The following ARHGEF28 variants were observed in gnomAD, a reference collection of about 807,000 sequenced individuals.
ARHGEF28 encodes the protein Rho guanine nucleotide exchange factor 28.
Under a neutral mutation model 206.6 loss-of-function variants are expected in ARHGEF28, and 152 were observed. That is an observed-to-expected ratio of 0.74 (90% CI 0.64 to 0.84). ARHGEF28 has a LOEUF of 0.84. Among genes scored for constraint, ARHGEF28 ranks in the 40% least tolerant of loss-of-function variants. The pLI, the probability that ARHGEF28 is intolerant of heterozygous loss-of-function variation, is 0.00. For synonymous variants in ARHGEF28, 763 were observed against 776.4 expected, an observed-to-expected ratio of 0.98 and a Z score of 0.29; for missense variants, 2,028 against 2,073.2, an observed-to-expected ratio of 0.98 and a Z score of 0.42.
Position 73,749,741 on chromosome 5 carries a change from C to A in ARHGEF28, c.34-96C>A, listed in dbSNP as rs1751926394. 5 of 1,378,868 alleles carry A rather than the reference C, an allele frequency of 3.6e-6. No individual in the cohort carries two copies. In the South Asian group the frequency reaches 5.5e-5, roughly 15 times the overall value. The allele number at this position is 1,378,868 out of a possible 1,614,324, so 85.4% of individuals were successfully genotyped here. On this transcript the variant is annotated intron_variant, in intron 2 of 35. Coordinates refer to ENST00000513042, the MANE Select transcript of ARHGEF28 (RefSeq NM_001177693.2). Reference sequence around the variant, plus strand: ...ACTCAACCACATGAAGTGAACATAACAAATGACACTGTTATGGACCCAGGT... The same window carrying A: ...ACTCAACCACATGAAGTGAACATAAAAAATGACACTGTTATGGACCCAGGT...
intron 12 of ARHGEF28, among the ~76,000 whole-genome samples, chr5:73,847,002 G>T (rs934722202): frequency 2.6e-5 from 4 of 152,068 alleles, no homozygotes; most frequent in Admixed American, 2.6e-4. Flanking sequence ...TTTCACATTG[G>T]AGTTTCATTT....
intron 9 of ARHGEF28, among the ~76,000 whole-genome samples, chr5:73,799,951 G>A (rs1421187585): frequency 1.3e-5 from 2 of 152,056 alleles, no homozygotes; most frequent in African/African-American, 2.4e-5. Context: ...TGGGCTTGGC[G>A]CAAGTGCAAG....
chr5:73,748,254 G>A (rs959940555), intron 2 of ARHGEF28, among the ~76,000 whole-genome samples: 2 of 152,090 alleles, frequency 1.3e-5, no homozygotes, highest in South Asian at 2.1e-4. Flanking sequence ...TTTTCTTGGC[G>A]TGTTGCTTTT....
At chr5:73,832,221 A>G in intron 9 of ARHGEF28, 117 bp from the exon 10 acceptor site, 1 of 1,291,634 alleles carries the variant, frequency 7.7e-7, no homozygotes, top group African/African-American at 1.5e-5. Context: ...AAATCTAGCC[A>G]AAAGCCCTCT....
chr5:73,860,315 C>G (rs1404929558), intron 16 of ARHGEF28, among the ~76,000 whole-genome samples: 2 of 152,086 alleles, frequency 1.3e-5, no homozygotes, highest in African/African-American at 4.8e-5. Flanking sequence ...GGCTGAGTAC[C>G]CATGTAATTT....
chr5:73,833,290 A>G (rs928351636), intron 10 of ARHGEF28, among the ~76,000 whole-genome samples: 1 of 152,182 alleles, frequency 6.6e-6, no homozygotes, highest in East Asian at 1.9e-4. Flanking sequence ...TAAGACATTT[A>G]ACCCTTTTAT....
chr5:73,939,802 C>T (rs770929585), intron 35 of ARHGEF28, among the ~76,000 whole-genome samples: 1 of 152,206 alleles, frequency 6.6e-6, no homozygotes, highest in Non-Finnish European at 1.5e-5. Flanking sequence ...AATGTCTGCA[C>T]GTGTGTATAT....
At chr5:73,809,018 G>A (rs1276972169) in intron 9 of ARHGEF28, among the ~76,000 whole-genome samples, 1 of 152,086 alleles carries the variant, frequency 6.6e-6, no homozygotes, top group African/African-American at 2.4e-5. Context: ...TTGGTGGGCC[G>A]TGGCAGGCAG....
chr5:73,865,939 T>G (rs753193890), intron 17 of ARHGEF28, 26 bp from the exon 18 acceptor site: 2 of 1,508,478 alleles, frequency 1.3e-6, no homozygotes, highest in Non-Finnish European at 1.8e-6. Flanking sequence ...GATCTTACTT[T>G]ATGTGTTTCT....
At chr5:73,927,859 G>A (rs1219314890) in intron 35 of ARHGEF28, among the ~76,000 whole-genome samples, 3 of 152,050 alleles carry the variant, frequency 2.0e-5, no homozygotes, top group Non-Finnish European at 2.9e-5. Context: ...TGCACTAAAC[G>A]AAACACAGTC....
intron 10 of ARHGEF28, among the ~76,000 whole-genome samples, chr5:73,838,976 T>G (rs1484888139): frequency 6.6e-6 from 1 of 152,232 alleles, no homozygotes; most frequent in Non-Finnish European, 1.5e-5. Context: ...TCTTTGTGTT[T>G]TATGGCACTG....
intron 7 of ARHGEF28, among the ~76,000 whole-genome samples, chr5:73,782,957 C>CT: frequency 6.6e-6 from 1 of 152,164 alleles, no homozygotes; most frequent in Non-Finnish European, 1.5e-5. Context: ...CTTACTTTTT[C>CT]TTTTTTAAAA....
At chr5:73,878,774 G>C (rs981423267) in intron 22 of ARHGEF28, among the ~76,000 whole-genome samples, 1 of 150,982 alleles carries the variant, frequency 6.6e-6, no homozygotes, top group African/African-American at 2.4e-5. Context: ...CTGGCTTGTA[G>C]AGTTTCTGCC....
At chr5:73,887,564 G>C (rs1230480114) in intron 25 of ARHGEF28, 39 bp from the exon 26 acceptor site, 1 of 1,441,512 alleles carries the variant, frequency 6.9e-7, no homozygotes, top group Non-Finnish European at 9.4e-7. Flanking sequence ...TTGAACTGTG[G>C]TTTGCTTCAT....
chr5:73,663,601 A>G (rs1745761667), intron 1 of ARHGEF28, among the ~76,000 whole-genome samples: 2 of 152,200 alleles, frequency 1.3e-5, no homozygotes, highest in African/African-American at 2.4e-5. Context: ...GTGCATTACT[A>G]TTAAACTATT....
chr5:73,628,397 T>A (rs1580417415), intron 1 of ARHGEF28, among the ~76,000 whole-genome samples: 1 of 152,300 alleles, frequency 6.6e-6, no homozygotes, highest in African/African-American at 2.4e-5. Context: ...AAAAAAAGAT[T>A]CATGATATAA....
chr5:73,919,534 T>A (rs1221800228), intron 35 of ARHGEF28, among the ~76,000 whole-genome samples: 1 of 152,188 alleles, frequency 6.6e-6, no homozygotes, highest in East Asian at 1.9e-4. Flanking sequence ...GAACATCACC[T>A]CCATTTGGGA....
intron 4 of ARHGEF28, among the ~76,000 whole-genome samples, chr5:73,765,866 T>C (rs1752865292): frequency 6.6e-6 from 1 of 152,186 alleles, no homozygotes; most frequent in Admixed American, 6.5e-5. Flanking sequence ...TAAAAACGTA[T>C]TGTGGGCTGG....
chr5:73,914,818 T>A (rs564033675), intron 35 of ARHGEF28, among the ~76,000 whole-genome samples: 3 of 152,164 alleles, frequency 2.0e-5, no homozygotes, highest in African/African-American at 7.2e-5. Context: ...CTCCACCTCC[T>A]GGGCTCCATC....
Sources: gnomAD v4.1 joint callset for allele counts (sites outside exome capture counted in the v4.1 genomes callset) on GRCh38, gnomAD v4.1.1 for gene constraint, MANE v1.5 for transcripts, NCBI Gene and HGNC (gene_info 2026-07-23, HGNC 2026-07-21) for gene names.